The following DNASE1 variants were observed in gnomAD, a reference collection of about 807,000 sequenced individuals.
DNASE1 encodes deoxyribonuclease 1, also known as deoxyribonuclease-1.
DNASE1 carries 40 observed loss-of-function variants against 33.9 expected under a neutral mutation model. The observed-to-expected ratio is 1.18, with a 90% CI of 0.92 to 1.54. The LOEUF (loss-of-function observed/expected upper bound fraction) is 1.54, where lower values mean the gene tolerates loss of function less well. Ranked by LOEUF, DNASE1 falls within the 40% of genes most tolerant of loss-of-function variation. The probability of loss-of-function intolerance (pLI) is 0.00; values close to 1 mark genes in which losing one functional copy is unlikely to be tolerated. For synonymous variants in DNASE1, 216 were observed against 160.0 expected (o/e 1.35, Z -2.64); for missense variants, 518 against 372.6 (o/e 1.39, Z -3.21).
downstream of DNASE1, chr16:3,658,612 G>T: frequency 1.6e-6 from 1 of 621,292 alleles, no homozygotes; most frequent in Admixed American, 2.9e-5. Context: ...GGCAGAGGTT[G>T]TAGTGAGCCA....
Position 3,657,032 on chromosome 16 carries a change from C to A in DNASE1, c.470C>A (p.Ala157Glu). 2 of 1,613,642 alleles carry A rather than the reference C, an allele frequency of 1.2e-6. No homozygotes were observed. The highest frequency in any genetic ancestry group is 2.2e-5 in the South Asian group (2 of 91,064). The change falls in exon 6 of 9, where the codon GCG becomes GAG. Residue 157 changes from alanine (A) to glutamate (E), a missense_variant. By Grantham distance (107) the Ala-to-Glu change is moderately radical. Coordinates refer to ENST00000246949, the MANE Select transcript of DNASE1 (RefSeq NM_005223.4). ...GAGTTTGCCATTGTTCCCCTGCATG[C>A]GGCCCCGGGGGACGCAGTAGCCGAG... The part of the protein sequence containing the change: ...VREFAIVPLH[A>E]APGDAVAEID...
At chr16:3,614,008 G>A (rs11861770) in intron 1 of DNASE1, among the ~76,000 whole-genome samples, 34,747 of 149,850 alleles carry the variant, frequency 0.23, 4,081 homozygotes, top group East Asian at 0.29. Context: ...TGCTTCCCGG[G>A]TTCACGCCAT....
chr16:3,626,861 CTTTTA>C (rs532564652), intron 1 of DNASE1, among the ~76,000 whole-genome samples: 4 of 151,956 alleles, frequency 2.6e-5, no homozygotes, highest in African/African-American at 4.8e-5. Context: ...TAATAGCCCT[CTTTTA>C]TTTATTTTAT....
chr16:3,659,013 A>T (rs1358705263), downstream of DNASE1: 2 of 762,060 alleles, frequency 2.6e-6, no homozygotes, highest in African/African-American at 3.5e-5. Context: ...TCATTTATAG[A>T]TAATATCATT....
At chr16:3,654,151 C>G (rs1596639810), upstream of DNASE1, 2 of 388,964 alleles carry the variant, frequency 5.1e-6, no homozygotes, top group East Asian at 7.3e-5. Flanking sequence ...CAAGAAATTA[C>G]TGGACCTGAG....
chr16:3,663,231 C>G (rs1369535504), exon 10 of DNASE1: 3 of 746,386 alleles, frequency 4.0e-6, no homozygotes, highest in East Asian at 2.7e-5. Flanking sequence ...GGCAGGAGCA[C>G]TGGACAGACC....
intron 4 of DNASE1, 75 bp from the exon 5 acceptor site, chr16:3,656,563 C>T (rs545696979): frequency 1.6e-5 from 21 of 1,341,388 alleles, no homozygotes; most frequent in East Asian, 9.9e-5. Flanking sequence ...TGGGACGCGA[C>T]GCCTGCCTCC....
exon 10 of DNASE1, chr16:3,663,294 A>G: frequency 1.6e-6 from 2 of 1,255,976 alleles, no homozygotes; most frequent in East Asian, 2.4e-5. Flanking sequence ...GTGCTCCCAC[A>G]AGGCTCTTCT....
intron 1 of DNASE1, among the ~76,000 whole-genome samples, chr16:3,633,060 T>C (rs2041749316): frequency 6.6e-6 from 1 of 152,240 alleles, no homozygotes. Context: ...TTGGGTCTTA[T>C]TTTTGAATAT....
At chr16:3,663,033 A>G (rs2043174072), downstream of DNASE1, 59 of 1,299,028 alleles carry the variant, frequency 4.5e-5, 1 homozygote, top group South Asian at 7.3e-4. Flanking sequence ...CATGGGGGCC[A>G]CGCAGCATGC....
intron 1 of DNASE1, among the ~76,000 whole-genome samples, chr16:3,614,706 C>T (rs1596545059): frequency 6.6e-6 from 1 of 152,104 alleles, no homozygotes; most frequent in African/African-American, 2.4e-5. Context: ...TGTTTACTGT[C>T]TTGAGGAATT....
chr16:3,622,148 A>G (rs768058055), intron 1 of DNASE1, among the ~76,000 whole-genome samples: 4 of 145,856 alleles, frequency 2.7e-5, no homozygotes, highest in Non-Finnish European at 4.5e-5. Context: ...TGAACCCGGA[A>G]GGTGGAGGTT....
At chr16:3,659,133 G>A (rs545771484), downstream of DNASE1, 530 of 373,618 alleles carry the variant, frequency 1.4e-3, 5 homozygotes, top group Middle Eastern at 1.4e-3. Flanking sequence ...AGCTTAGTAC[G>A]TGAAGACATG....
chr16:3,618,195 G>A (rs549549008), intron 1 of DNASE1, among the ~76,000 whole-genome samples: 90 of 150,788 alleles, frequency 6.0e-4, no homozygotes, highest in Admixed American at 1.2e-3. Context: ...TTAGAGAAGT[G>A]CAAATTGAAA....
At chr16:3,611,907 C>G (rs981429221) in exon 1 of DNASE1, 1 of 152,504 alleles carries the variant, frequency 6.6e-6, no homozygotes, top group Non-Finnish European at 1.5e-5. Flanking sequence ...ACGGCGGCCC[C>G]CTCTGGGCAT....
chr16:3,655,634 C>G (rs2042555577), intron 2 of DNASE1, 114 bp downstream of exon 2: 16 of 1,518,332 alleles, frequency 1.1e-5, no homozygotes, highest in Non-Finnish European at 1.4e-5. Flanking sequence ...CTGAGCACCA[C>G]TGCTCCCAGC....
intron 1 of DNASE1, among the ~76,000 whole-genome samples, chr16:3,614,602 T>A (rs141159788): frequency 6.6e-6 from 1 of 152,264 alleles, no homozygotes; most frequent in African/African-American, 2.4e-5. Flanking sequence ...TGGCCATGGA[T>A]GATTTAGGGC....
chr16:3,662,759 A>T, downstream of DNASE1: 1 of 897,910 alleles, frequency 1.1e-6, no homozygotes, highest in African/African-American at 1.6e-5. Flanking sequence ...TCTCCACCTG[A>T]CACCAAGGGC....
exon 10 of DNASE1, chr16:3,663,383 G>A (rs772918407): frequency 6.8e-6 from 11 of 1,612,286 alleles, no homozygotes; most frequent in South Asian, 4.4e-5. Flanking sequence ...CGTGCGGGGA[G>A]TGGAAACCAG....
Sources: allele counts gnomAD v4.1 joint callset (sites outside exome capture counted in the v4.1 genomes callset), GRCh38; gene constraint gnomAD v4.1.1; transcripts MANE v1.5; gene names NCBI Gene and HGNC (gene_info 2026-07-23, HGNC 2026-07-21).